NALCN: variants seen among roughly 807,000 people sequenced by gnomAD.
NALCN encodes sodium leak channel, non-selective, also known as sodium leak channel NALCN.
A neutral mutation model predicts 225.3 loss-of-function variants in NALCN; 111 were observed. That is an observed-to-expected ratio of 0.49 (90% CI 0.42 to 0.58). The LOEUF is 0.58. NALCN is among the 20% of genes least tolerant of loss of function. The pLI is 0.00. For synonymous variants in NALCN, 764 were observed against 769.0 expected (o/e 0.99, Z 0.11); for missense variants, 1,378 against 2,202.4 (o/e 0.63, Z 7.49).
chr13:101,105,848 G>A (rs1025493128), intron 22 of NALCN, among the ~76,000 whole-genome samples: 15 of 152,126 alleles, frequency 9.9e-5, no homozygotes, highest in Admixed American at 2.6e-4. Context: ...ACTTCTGCAC[G>A]CTTAAATGTC....
At chr13:101,397,137 G>T (rs2047331968) in intron 2 of NALCN, among the ~76,000 whole-genome samples, 1 of 133,666 alleles carries the variant, frequency 7.5e-6, no homozygotes, top group African/African-American at 2.7e-5. Flanking sequence ...TATAATGTGT[G>T]CATATACACA....
In NALCN at chr13:101,381,193, C is replaced by T. The variant is rs12875813; in HGVS notation, c.292-2540G>A. Among the ~76,000 whole-genome samples, 613 of 152,088 alleles carry T rather than the reference C, an allele frequency of 4.0e-3. 1 individual carries two copies. Among genetic ancestry groups the T allele is most frequent in the Middle Eastern group, 6.8e-3 (2 of 294 alleles). On this transcript the variant is annotated intron_variant, in intron 3 of 43. Transcript: ENST00000251127. Reference sequence around the variant, plus strand: ...CTCTGGGTGACAAGAAGGACAATGGCCTTATTAAATTGTGTGATTATCATC... The same window carrying T: ...CTCTGGGTGACAAGAAGGACAATGGTCTTATTAAATTGTGTGATTATCATC...
At chr13:101,258,714 C>G in intron 10 of NALCN, 140 bp from the exon 11 acceptor site, 1 of 1,167,604 alleles carries the variant, frequency 8.6e-7, no homozygotes, top group South Asian at 1.5e-5. Context: ...CCATCCATGT[C>G]CCACACTGCT....
chr13:101,287,826 A>G (rs1444821404), intron 9 of NALCN, among the ~76,000 whole-genome samples: 1 of 152,196 alleles, frequency 6.6e-6, no homozygotes, highest in Non-Finnish European at 1.5e-5. Flanking sequence ...TTGTTCCATT[A>G]TAGGCATAAT....
chr13:101,308,667 G>C (rs1439969802), intron 7 of NALCN, among the ~76,000 whole-genome samples: 1 of 152,178 alleles, frequency 6.6e-6, no homozygotes, highest in African/African-American at 2.4e-5. Context: ...AGAAACGGCT[G>C]ATGTTCACAA....
chr13:101,257,931 G>A (rs1391420779), intron 11 of NALCN, among the ~76,000 whole-genome samples: 1 of 152,098 alleles, frequency 6.6e-6, no homozygotes, highest in African/African-American at 2.4e-5. Context: ...AGAGTGCTAG[G>A]GAGATGCTTA....
chr13:101,357,733 T>A (rs1307786543), intron 6 of NALCN, among the ~76,000 whole-genome samples: 1 of 151,936 alleles, frequency 6.6e-6, no homozygotes, highest in Admixed American at 6.6e-5. Context: ...ACCAAGACAA[T>A]CCTTAGGAAA....
At chr13:101,336,899 T>G (rs1054844477) in intron 7 of NALCN, among the ~76,000 whole-genome samples, 1 of 152,230 alleles carries the variant, frequency 6.6e-6, no homozygotes, top group Non-Finnish European at 1.5e-5. Flanking sequence ...CATTTTGAAT[T>G]TAGTTCAAAT....
intron 14 of NALCN, among the ~76,000 whole-genome samples, chr13:101,188,441 C>A (rs1431984369): frequency 6.6e-6 from 1 of 152,004 alleles, no homozygotes; most frequent in African/African-American, 2.4e-5. Flanking sequence ...TAGGGATGGC[C>A]ATCAGTTGAC....
chr13:101,114,590 G>C (rs144698956), intron 18 of NALCN, among the ~76,000 whole-genome samples: 150 of 152,172 alleles, frequency 9.9e-4, no homozygotes, highest in African/African-American at 3.5e-3. Context: ...CACAGCTCAC[G>C]AGGAACTGAA....
At chr13:101,066,777 C>T (rs766218328) in intron 39 of NALCN, among the ~76,000 whole-genome samples, 3 of 152,118 alleles carry the variant, frequency 2.0e-5, no homozygotes, top group Middle Eastern at 3.4e-3. Flanking sequence ...AGTGCACTGC[C>T]GGAGCCCCTC....
At chr13:101,108,216 G>A (rs1014749380) in intron 20 of NALCN, among the ~76,000 whole-genome samples, 3 of 150,972 alleles carry the variant, frequency 2.0e-5, no homozygotes, top group South Asian at 2.1e-4. Context: ...ATATGTATAC[G>A]ATTAAATGTA....
chr13:101,344,582 T>C (rs2045657210), intron 7 of NALCN, among the ~76,000 whole-genome samples: 1 of 152,192 alleles, frequency 6.6e-6, no homozygotes, highest in Admixed American at 6.6e-5. Context: ...TATACATTTT[T>C]TGCTTTAATA....
chr13:101,257,170 T>A (rs905149141), intron 11 of NALCN, among the ~76,000 whole-genome samples: 1 of 151,846 alleles, frequency 6.6e-6, no homozygotes, highest in African/African-American at 2.4e-5. Context: ...TCAGCCCCTG[T>A]CATTAGTTCT....
chr13:101,265,039 G>A (rs745648696), intron 10 of NALCN, among the ~76,000 whole-genome samples: 1 of 152,150 alleles, frequency 6.6e-6, no homozygotes, highest in Non-Finnish European at 1.5e-5. Context: ...GATACCTTGT[G>A]TTTAGCCTAA....
At chr13:101,170,999 T>C (rs984531155) in intron 15 of NALCN, among the ~76,000 whole-genome samples, 5 of 152,108 alleles carry the variant, frequency 3.3e-5, no homozygotes, top group Non-Finnish European at 7.3e-5. Flanking sequence ...CTGTGTACAT[T>C]CCCCAGTGTC....
rs930912170 is a variant in NALCN at position 101,288,367 on chromosome 13, A to C, written c.1047+3623T>G. Reference sequence around the variant, plus strand: ...TTTTGCTAAAGTATTTTCTTTGAGCATTAAGTTATATGTAGCTTTCTTTTT... The same window carrying C: ...TTTTGCTAAAGTATTTTCTTTGAGCCTTAAGTTATATGTAGCTTTCTTTTT... On this transcript the variant is annotated intron_variant, in intron 9 of 43. Coordinates refer to ENST00000251127, the MANE Select transcript of NALCN (RefSeq NM_052867.4). Among the ~76,000 whole-genome samples, 4 of 152,246 alleles carry C rather than the reference A, an allele frequency of 2.6e-5. No homozygotes were observed. The South Asian group carries it at 8.3e-4, about 31-fold the overall frequency.
intron 9 of NALCN, among the ~76,000 whole-genome samples, chr13:101,286,811 C>A (rs944353181): frequency 1.3e-5 from 2 of 151,492 alleles, no homozygotes; most frequent in Admixed American, 1.3e-4. Flanking sequence ...AGCTTAAACC[C>A]ATTCCCCAGA....
intron 9 of NALCN, among the ~76,000 whole-genome samples, chr13:101,284,546 T>A (rs1213470985): frequency 6.6e-6 from 1 of 152,166 alleles, no homozygotes; most frequent in African/African-American, 2.4e-5. Context: ...AAATAAGAAG[T>A]GTGCGTGTGG....
Sources: allele counts gnomAD v4.1 joint callset (sites outside exome capture counted in the v4.1 genomes callset), GRCh38; gene constraint gnomAD v4.1.1; transcripts MANE v1.5; gene names NCBI Gene and HGNC (gene_info 2026-07-23, HGNC 2026-07-21).